The following KIAA1328 variants were observed in gnomAD, a reference collection of about 807,000 sequenced individuals.
KIAA1328 encodes the protein protein hinderin.
KIAA1328 carries 52 observed loss-of-function variants against 68.1 expected under a neutral mutation model. That is an observed-to-expected ratio of 0.76 (90% CI 0.61 to 0.96). The LOEUF (loss-of-function observed/expected upper bound fraction) is 0.96, where lower values mean the gene tolerates loss of function less well. Ranked by LOEUF, KIAA1328 falls within the 40% of genes least tolerant of loss-of-function variation. The pLI, the probability that KIAA1328 is intolerant of heterozygous loss-of-function variation, is 0.00. For synonymous variants in KIAA1328, 232 were observed against 239.4 expected (o/e 0.97, Z 0.28); for missense variants, 641 against 677.6 (o/e 0.95, Z 0.60).
At chr18:37,090,813 A>G (rs2057245976) in intron 7 of KIAA1328, among the ~76,000 whole-genome samples, 1 of 152,204 alleles carries the variant, frequency 6.6e-6, no homozygotes, top group South Asian at 2.1e-4. Flanking sequence ...ACCTTAGAGC[A>G]TGTCCATCTC....
At chr18:36,946,345 A>G (rs1250942803) in intron 5 of KIAA1328, 1 of 152,218 alleles carries the variant, frequency 6.6e-6, no homozygotes, top group Non-Finnish European at 1.5e-5. Flanking sequence ...ATTTCAACAT[A>G]AAGGAGAAGG....
intron 9 of KIAA1328, among the ~76,000 whole-genome samples, chr18:37,204,752 G>A: frequency 8.2e-6 from 1 of 122,310 alleles, no homozygotes. Context: ...AATTAAAAAG[G>A]AGTTTCAGTC....
In KIAA1328 at chr18:36,877,171, T is replaced by A. The variant is rs558898408; in HGVS notation, c.333-8386T>A. ...TATTCTGTTGATTTGGGGTGGAGAG[T>A]TCTGTAGATGTCTATTAGGTCTGCT... On this transcript the variant is annotated intron_variant, in intron 4 of 9. Coordinates refer to ENST00000280020, the MANE Select transcript of KIAA1328 (RefSeq NM_020776.3). 1.6e-4 allele frequency among the ~76,000 whole-genome samples: 24 copies of A among 152,196 alleles called. No individual in the cohort carries two copies. The South Asian group carries it at 5.0e-3, about 32-fold the overall frequency.
chr18:37,207,832 A>G (rs2060244018), intron 9 of KIAA1328, among the ~76,000 whole-genome samples: 2 of 152,184 alleles, frequency 1.3e-5, no homozygotes, highest in Admixed American at 6.5e-5. Flanking sequence ...ATTTATTGAG[A>G]TGGAGTTTCG....
intron 3 of KIAA1328, among the ~76,000 whole-genome samples, chr18:36,839,967 G>A (rs999824976): frequency 4.6e-5 from 7 of 152,110 alleles, no homozygotes; most frequent in Non-Finnish European, 7.4e-5. Flanking sequence ...AGTAGTTGAC[G>A]CGAAGGGATT....
At chr18:36,917,696 T>G (rs2049760731) in intron 5 of KIAA1328, among the ~76,000 whole-genome samples, 1 of 152,222 alleles carries the variant, frequency 6.6e-6, no homozygotes, top group Non-Finnish European at 1.5e-5. Context: ...GAATTTAATA[T>G]ATAGGATTTG....
chr18:36,835,175 G>A, intron 2 of KIAA1328, 59 bp from the exon 3 acceptor site: 1 of 1,473,428 alleles, frequency 6.8e-7, no homozygotes, highest in Non-Finnish European at 9.3e-7. Flanking sequence ...GGAGTTGATG[G>A]GGGAGGGTTT....
Position 37,059,288 on chromosome 18 carries a change from A to G in KIAA1328, c.577-7602A>G, listed in dbSNP as rs193222161. On this transcript the variant is annotated intron_variant, in intron 6 of 9. Transcript: ENST00000280020. ...GAATGGGAGAAAATTTTTGCAATCT[A>G]GCCATCTGACAAAGGGCCAATATCC... is the stretch of plus-strand genomic sequence containing the variant. 3.5e-4 allele frequency among the ~76,000 whole-genome samples: 53 copies of G among 152,202 alleles called. 1 individual carries two copies. Among genetic ancestry groups the G allele is most frequent in the Non-Finnish European group, 6.6e-4 (45 of 68,040 alleles).
intron 9 of KIAA1328, among the ~76,000 whole-genome samples, chr18:37,210,088 T>A (rs2060288325): frequency 6.6e-6 from 1 of 152,026 alleles, no homozygotes; most frequent in South Asian, 2.1e-4. Context: ...AGGGGAAAGG[T>A]CCAGTAACAT....
intron 9 of KIAA1328, among the ~76,000 whole-genome samples, chr18:37,191,984 A>G (rs1002027254): frequency 6.6e-6 from 1 of 152,160 alleles, no homozygotes; most frequent in African/African-American, 2.4e-5. Flanking sequence ...GTCTCTTCCA[A>G]AGAACTCTGG....
intron 6 of KIAA1328, among the ~76,000 whole-genome samples, chr18:37,036,836 T>G (rs2055045786): frequency 6.6e-6 from 1 of 152,198 alleles, no homozygotes; most frequent in Non-Finnish European, 1.5e-5. Context: ...TAGTCTAGAT[T>G]AAAGAACTAA....
rs554558229 is a variant in KIAA1328 at position 36,860,668 on chromosome 18, ACT to A, written c.332+16368_332+16369del. ...TGTTTACATGTATATTTAAATTTTA[ACT>A]CAGCATAATGTCACTGCTCTTTGTA... is the stretch of plus-strand genomic sequence containing the variant. On this transcript the variant is annotated intron_variant, in intron 4 of 9. Transcript: ENST00000280020. 1.1e-3 allele frequency among the ~76,000 whole-genome samples: 173 copies of A among 152,352 alleles called. 1 individual carries two copies. The highest frequency in any genetic ancestry group is 4.0e-3 in the African/African-American group (166 of 41,600).
chr18:36,959,918 A>G (rs2051587626), intron 6 of KIAA1328, among the ~76,000 whole-genome samples: 1 of 152,224 alleles, frequency 6.6e-6, no homozygotes, highest in African/African-American at 2.4e-5. Flanking sequence ...GTAGGAGAGT[A>G]TTTATATAAG....
chr18:37,076,627 T>A (rs570502657), intron 7 of KIAA1328, among the ~76,000 whole-genome samples: 1 of 150,146 alleles, frequency 6.7e-6, no homozygotes, highest in Non-Finnish European at 1.5e-5. Context: ...ATCAAATAGA[T>A]GCAATAAAAA....
chr18:37,204,167 TA>T (rs2060171291), intron 9 of KIAA1328, among the ~76,000 whole-genome samples: 2 of 152,182 alleles, frequency 1.3e-5, no homozygotes, highest in Non-Finnish European at 2.9e-5. Context: ...AGGACGTATC[TA>T]AAAATACCAG....
chr18:36,974,402 A>C (rs1259302605), intron 6 of KIAA1328, among the ~76,000 whole-genome samples: 1 of 152,030 alleles, frequency 6.6e-6, no homozygotes, highest in Non-Finnish European at 1.5e-5. Flanking sequence ...AACATGTGGT[A>C]TTTTTCAGTT....
chr18:37,016,834 GTACT>G (rs1357481546), intron 6 of KIAA1328, among the ~76,000 whole-genome samples: 9 of 152,028 alleles, frequency 5.9e-5, no homozygotes, highest in Non-Finnish European at 1.0e-4. Flanking sequence ...GGTTCTGTTT[GTACT>G]TACTTGGATC....
chr18:36,883,056 A>G (rs1429936840), intron 4 of KIAA1328, among the ~76,000 whole-genome samples: 1 of 152,238 alleles, frequency 6.6e-6, no homozygotes, highest in African/African-American at 2.4e-5. Context: ...AATACCTTTT[A>G]ATAAATAAAT....
chr18:37,004,285 T>C (rs539169724), intron 6 of KIAA1328, among the ~76,000 whole-genome samples: 2 of 152,216 alleles, frequency 1.3e-5, no homozygotes, highest in South Asian at 4.1e-4. Flanking sequence ...TAATTTTCCT[T>C]GTAGGGGTCT....
Sources: gnomAD v4.1 joint callset for allele counts (sites outside exome capture counted in the v4.1 genomes callset) on GRCh38, gnomAD v4.1.1 for gene constraint, MANE v1.5 for transcripts, NCBI Gene and HGNC (gene_info 2026-07-23, HGNC 2026-07-21) for gene names.